The following SMU1 variants were observed in gnomAD, a reference collection of about 807,000 sequenced individuals.
SMU1 encodes the protein SMU1 DNA replication regulator and spliceosomal factor, also known as WD40 repeat-containing protein SMU1.
Under a neutral mutation model 62.0 loss-of-function variants are expected in SMU1, and 2 were observed. The observed-to-expected ratio is 0.03, with a 90% CI of 0.01 to 0.10. SMU1 has a LOEUF of 0.10. Among genes scored for constraint, SMU1 ranks in the 10% least tolerant of loss-of-function variants. The probability of loss-of-function intolerance (pLI) is 1.00; values close to 1 mark genes in which losing one functional copy is unlikely to be tolerated. For synonymous variants in SMU1, 188 were observed against 212.4 expected (o/e 0.89, Z 1.00); for missense variants, 227 against 622.1 (o/e 0.36, Z 6.76).
chr9:33,073,683 G>A lies in SMU1; in HGVS notation c.150C>T (p.Asp50=), dbSNP rs139167264. ...TVDSIESFVA[D]INSGHWDTVL... Reference sequence around the variant, plus strand: ...CAGTATCCCAATGGCCACTGTTAATGTCAGCCACAAAACTCTCAATGCTGT... The same window carrying A: ...CAGTATCCCAATGGCCACTGTTAATATCAGCCACAAAACTCTCAATGCTGT... Residue 50 remains aspartate, a synonymous_variant, in exon 2 of 12, where the codon GAC becomes GAT. Coordinates refer to ENST00000397149, the MANE Select transcript of SMU1 (RefSeq NM_018225.3). 1,061 of 1,613,920 alleles carry A rather than the reference G, an allele frequency of 6.6e-4. 7 individuals carry two copies. The East Asian group carries it at 8.4e-3, about 13-fold the overall frequency.
intron 3 of SMU1, among the ~76,000 whole-genome samples, chr9:33,069,565 C>T (rs1334823521): frequency 6.6e-6 from 1 of 152,166 alleles, no homozygotes; most frequent in East Asian, 1.9e-4. Context: ...TTTTCGGGGG[C>T]TGAGGCTGGC....
At chr9:33,053,419 G>A in intron 9 of SMU1, 129 bp from the exon 10 acceptor site, 2 of 926,834 alleles carry the variant, frequency 2.2e-6, no homozygotes, top group Non-Finnish European at 3.2e-6. Context: ...TTTCTTACTT[G>A]ATTTTAGGTC....
At chr9:33,064,217 C>T (rs1169177874) in intron 4 of SMU1, among the ~76,000 whole-genome samples, 1 of 152,130 alleles carries the variant, frequency 6.6e-6, no homozygotes, top group Admixed American at 6.5e-5. Context: ...CTGTCTCAGC[C>T]TTCCAAGTAG....
Position 33,068,836 on chromosome 9 carries a change from T to C in SMU1, c.489A>G (p.Ala163=). The part of the protein sequence containing the change: ...VSVVPPSRLM[A]LLGQALKWQQ... ...GGAATTGAATTACCTGTCCCAGCAA[T>C]GCCATGAGACGAGATGGAGGCACCA... Residue 163 remains alanine, a synonymous_variant, in exon 4 of 12, where the codon GCA becomes GCG. Transcript: ENST00000397149. 1 of 1,613,982 alleles carries C rather than the reference T, an allele frequency of 6.2e-7. No individual in the cohort carries two copies. Among genetic ancestry groups the C allele is most frequent in the Non-Finnish European group, 8.5e-7 (1 of 1,179,974 alleles).
chr9:33,070,231 A>G (rs1008250149), intron 3 of SMU1, among the ~76,000 whole-genome samples: 4 of 152,260 alleles, frequency 2.6e-5, no homozygotes, highest in Non-Finnish European at 5.9e-5. Context: ...AGATCTGAAT[A>G]GACATTTCTC....
Position 33,073,662 on chromosome 9 carries a change from A to G in SMU1, c.171T>C (p.Asp57=), listed in dbSNP as rs773348090. ...GAGACTGTATAGCCTGCAACACAGT[A>G]TCCCAATGGCCACTGTTAATGTCAG... The part of the protein sequence containing the change: ...FVADINSGHW[D]TVLQAIQSLK... Residue 57 remains aspartate, a synonymous_variant, in exon 2 of 12, where the codon GAT becomes GAC. Transcript: ENST00000397149. 25 of 1,613,422 alleles carry G rather than the reference A, an allele frequency of 1.5e-5. No individual in the cohort carries two copies. Among genetic ancestry groups the G allele is most frequent in the Non-Finnish European group, 1.9e-5 (22 of 1,179,862 alleles).
intron 11 of SMU1, 91 bp downstream of exon 11, chr9:33,048,015 C>T (rs933765115): frequency 6.3e-5 from 76 of 1,201,226 alleles, no homozygotes; most frequent in South Asian, 5.9e-4. Flanking sequence ...AGGGTCACAT[C>T]GATAGCTCTG....
chr9:33,050,811 G>A (rs1468715996), intron 10 of SMU1, among the ~76,000 whole-genome samples: 2 of 148,176 alleles, frequency 1.3e-5, no homozygotes, highest in Non-Finnish European at 3.0e-5. Flanking sequence ...GGGGGAGAAG[G>A]TGAGACTCCA....
At chr9:33,057,538 T>A in intron 7 of SMU1, 60 bp downstream of exon 7, 1 of 1,592,430 alleles carries the variant, frequency 6.3e-7, no homozygotes, top group Non-Finnish European at 8.6e-7. Flanking sequence ...TGTAGGACAC[T>A]ACCCCATAGC....
chr9:33,076,571 C>T lies in SMU1; in HGVS notation c.26+12G>A, dbSNP rs761485242. On this transcript the variant is annotated intron_variant, in intron 1 of 11. Coordinates refer to ENST00000397149, the MANE Select transcript of SMU1 (RefSeq NM_018225.3). Reference sequence around the variant, plus strand: ...CCCGGCAAGGCGCGAACATCCCCACCGCAGGACTCACTCCGAAGATTCGAT... The same window carrying T: ...CCCGGCAAGGCGCGAACATCCCCACTGCAGGACTCACTCCGAAGATTCGAT... 8 of 1,613,672 alleles carry T rather than the reference C, an allele frequency of 5.0e-6. 1 individual carries two copies. The South Asian group carries it at 8.8e-5, about 18-fold the overall frequency.
intron 9 of SMU1, among the ~76,000 whole-genome samples, chr9:33,053,716 C>CT (rs924045203): frequency 3.1e-4 from 47 of 152,154 alleles, no homozygotes; most frequent in African/African-American, 1.0e-3. Context: ...GTGGAATTTT[C>CT]TTTTTTTTCC....
intron 4 of SMU1, among the ~76,000 whole-genome samples, chr9:33,066,623 T>C (rs1416712260): frequency 6.6e-6 from 1 of 150,820 alleles, no homozygotes; most frequent in Non-Finnish European, 1.5e-5. Flanking sequence ...CTGGCCAACA[T>C]GGTGAAACCC....
intron 11 of SMU1, 129 bp from the exon 12 acceptor site, chr9:33,047,520 A>C: frequency 1.6e-6 from 1 of 624,960 alleles, no homozygotes. Context: ...GCATAGGAGA[A>C]AGATGGAGGA....
intron 10 of SMU1, among the ~76,000 whole-genome samples, chr9:33,051,428 A>G (rs187743220): frequency 3.3e-5 from 5 of 152,282 alleles, no homozygotes; most frequent in Non-Finnish European, 7.4e-5. Context: ...CAGAACATAC[A>G]ACACCAAGAG....
At chr9:33,073,979 G>A (rs1182208625) in intron 1 of SMU1, among the ~76,000 whole-genome samples, 173 bp from the exon 2 acceptor site, 1 of 152,194 alleles carries the variant, frequency 6.6e-6, no homozygotes, top group Non-Finnish European at 1.5e-5. Flanking sequence ...CCTAACCATA[G>A]AGACAGAACT....
intron 2 of SMU1, among the ~76,000 whole-genome samples, chr9:33,073,061 A>C (rs1839505266): frequency 6.6e-6 from 1 of 152,118 alleles, no homozygotes. Flanking sequence ...TGTGCAAAGG[A>C]AATGGCTCAG....
intron 10 of SMU1, among the ~76,000 whole-genome samples, chr9:33,049,603 A>C (rs13297493): frequency 0.26 from 38,895 of 152,072 alleles, 5,102 homozygotes; most frequent in Middle Eastern, 0.31. Context: ...AGACTTCATT[A>C]AAATTAAAAT....
rs546319375 is a variant in SMU1, at chr9:33,044,498, C to G, written c.*2795G>C. ...GCCCTGCGCGTGCGCGGCCCGACCC[C>G]GCCGCGGTCTGGCTGTAAGGGCGCT... On this transcript the variant is annotated 3_prime_UTR_variant, in exon 12 of 12. Coordinates refer to ENST00000397149, the MANE Select transcript of SMU1 (RefSeq NM_018225.3). 3.3e-5 allele frequency: 5 copies of G among 152,488 alleles called. No homozygotes were observed. The highest frequency in any genetic ancestry group is 3.4e-3 in the Middle Eastern group (1 of 294). 9.4% of individuals were successfully genotyped at this position (152,488 alleles called of 1,614,324 possible). A position where few individuals can be genotyped will look rare whatever the true frequency, so the allele number is the denominator to read the frequency against.
At chr9:33,060,743 C>T in intron 5 of SMU1, 159 bp from the exon 6 acceptor site, 1 of 424,214 alleles carries the variant, frequency 2.4e-6, no homozygotes, top group Non-Finnish European at 3.2e-6. Context: ...ACGCAGGGAG[C>T]TGGGTGGATG....
Sources: allele counts gnomAD v4.1 joint callset (sites outside exome capture counted in the v4.1 genomes callset), GRCh38; gene constraint gnomAD v4.1.1; transcripts MANE v1.5; gene names NCBI Gene and HGNC (gene_info 2026-07-23, HGNC 2026-07-21).